The following MDGA2 variants were observed in gnomAD, a reference collection of about 807,000 sequenced individuals.
MDGA2 encodes the protein MAM domain-containing glycosylphosphatidylinositol anchor protein 2.
In MDGA2, 40 loss-of-function variants were observed where a neutral mutation model predicts 117.8. That is an observed-to-expected ratio of 0.34 (90% CI 0.26 to 0.44). The LOEUF (loss-of-function observed/expected upper bound fraction) is 0.44. Among genes scored for constraint, MDGA2 ranks in the 20% least tolerant of loss-of-function variants. MDGA2 has a pLI of 1.00. For synonymous variants in MDGA2, 452 were observed against 439.0 expected, an observed-to-expected ratio of 1.03 and a Z score of -0.37; for missense variants, 1,123 against 1,250.6, an observed-to-expected ratio of 0.90 and a Z score of 1.54.
At chr14:47,107,454 T>A (rs913968475) in intron 5 of MDGA2, among the ~76,000 whole-genome samples, 1 of 152,060 alleles carries the variant, frequency 6.6e-6, no homozygotes, top group East Asian at 1.9e-4. Context: ...TCTTTACTAT[T>A]CCTTTGCACC....
chr14:47,535,611 C>T (rs567574033), intron 1 of MDGA2, among the ~76,000 whole-genome samples: 13 of 152,110 alleles, frequency 8.5e-5, no homozygotes, highest in Non-Finnish European at 1.8e-4. Context: ...AATAAAGTGA[C>T]AGGCTAAAAA....
intron 1 of MDGA2, among the ~76,000 whole-genome samples, chr14:47,475,793 T>C (rs1566475771): frequency 1.3e-5 from 2 of 152,116 alleles, no homozygotes; most frequent in South Asian, 2.1e-4. Flanking sequence ...ATGAACACAG[T>C]AGTAGAGGGA....
intron 1 of MDGA2, among the ~76,000 whole-genome samples, chr14:47,404,713 C>A (rs1892226122): frequency 6.6e-6 from 1 of 152,104 alleles, no homozygotes; most frequent in Non-Finnish European, 1.5e-5. Context: ...AGGTTGGTCT[C>A]AAACTCCTGG....
Position 47,155,888 on chromosome 14 carries a change from C to CTTTTTTTTTTTTTTTTTTTT in MDGA2, c.596-11634_596-11615dup, listed in dbSNP as rs55827732. 4.7e-4 allele frequency among the ~76,000 whole-genome samples: 19 copies of CTTTTTTTTTTTTTTTTTTTT among 40,156 alleles called. 3 individuals carry two copies. Among genetic ancestry groups the CTTTTTTTTTTTTTTTTTTTT allele is most frequent in the Admixed American group, 8.6e-4 (2 of 2,322 alleles). 26.3% of individuals were successfully genotyped at this position (40,156 alleles called of 152,430 possible). On this transcript the variant is annotated intron_variant, in intron 3 of 16. Transcript: ENST00000399232. ...ATTCTTTTCTTTTCTTCTTCTTCTT[C>CTTTTTTTTTTTTTTTTTTTT]TTTTTTTTTTTTTTTTTTTTTTTTT...
At chr14:47,402,176 T>C (rs1892163331) in intron 1 of MDGA2, among the ~76,000 whole-genome samples, 1 of 152,150 alleles carries the variant, frequency 6.6e-6, no homozygotes. Flanking sequence ...TAAAAGGCAT[T>C]AAAAGTGGAA....
At chr14:47,540,799 A>G (rs375193539) in intron 1 of MDGA2, among the ~76,000 whole-genome samples, 6 of 151,844 alleles carry the variant, frequency 4.0e-5, no homozygotes, top group African/African-American at 1.2e-4. Flanking sequence ...TCCTGATCTC[A>G]AGTAATCCTC....
At chr14:47,015,615 C>T (rs926288778) in intron 8 of MDGA2, among the ~76,000 whole-genome samples, 6 of 151,842 alleles carry the variant, frequency 4.0e-5, no homozygotes, top group African/African-American at 9.7e-5. Context: ...GCCAATAATC[C>T]AAGGCTAAAG....
At chr14:47,036,141 G>A (rs1456217533) in intron 7 of MDGA2, among the ~76,000 whole-genome samples, 4 of 151,534 alleles carry the variant, frequency 2.6e-5, no homozygotes, top group Admixed American at 6.6e-5. Context: ...ATGGTGGAGG[G>A]CGCCTGTAGT....
chr14:46,938,540 C>CAAAAAAAAAAAAA lies in MDGA2; in HGVS notation c.2090-18393_2090-18381dup, dbSNP rs71112472. On this transcript the variant is annotated intron_variant, in intron 9 of 16. Coordinates refer to ENST00000399232, the MANE Select transcript of MDGA2 (RefSeq NM_001113498.3). ...GGGCAACAAGAACGAAAATCCATCT[C>CAAAAAAAAAAAAA]AAAAAAAAAAAAAAAAAAAAGAGAC... Among the ~76,000 whole-genome samples the CAAAAAAAAAAAAA allele has an allele frequency of 6.7e-4, 18 of 26,996 alleles. 1 individual carries two copies. The highest frequency in any genetic ancestry group is 1.1e-3 in the Non-Finnish European group (12 of 11,398). 17.7% of individuals were successfully genotyped at this position (26,996 alleles called of 152,430 possible).
At chr14:47,000,383 A>T (rs867037136) in intron 8 of MDGA2, among the ~76,000 whole-genome samples, 2 of 61,100 alleles carry the variant, frequency 3.3e-5, no homozygotes, top group Non-Finnish European at 6.5e-5. Context: ...ATATTTATAT[A>T]TATATATTTA....
intron 2 of MDGA2, among the ~76,000 whole-genome samples, chr14:47,294,992 G>A (rs939726810): frequency 1.3e-5 from 2 of 152,118 alleles, no homozygotes; most frequent in African/African-American, 2.4e-5. Context: ...ATTGAAAAAT[G>A]GCCTAGCCAA....
intron 1 of MDGA2, among the ~76,000 whole-genome samples, chr14:47,336,483 G>C (rs1169889170): frequency 6.6e-6 from 1 of 151,866 alleles, no homozygotes. Context: ...TTTGAAGTTG[G>C]CATTATTTTT....
intron 1 of MDGA2, among the ~76,000 whole-genome samples, chr14:47,571,017 G>A (rs1005815555): frequency 6.6e-6 from 1 of 152,042 alleles, no homozygotes; most frequent in Non-Finnish European, 1.5e-5. Flanking sequence ...CTGAAAAAGG[G>A]CTAGTATCCA....
intron 1 of MDGA2, among the ~76,000 whole-genome samples, chr14:47,438,368 C>A (rs1180682251): frequency 1.3e-5 from 2 of 152,142 alleles, no homozygotes; most frequent in Non-Finnish European, 2.9e-5. Context: ...ATCTAACCAT[C>A]CCACCACCTT....
chr14:47,166,095 G>C (rs1428307935), intron 3 of MDGA2, among the ~76,000 whole-genome samples: 1 of 150,200 alleles, frequency 6.7e-6, no homozygotes, highest in Non-Finnish European at 1.5e-5. Flanking sequence ...GACTGCAATA[G>C]GGTGATCCTG....
chr14:47,080,231 G>A (rs1038861366), intron 6 of MDGA2, among the ~76,000 whole-genome samples: 2 of 152,064 alleles, frequency 1.3e-5, no homozygotes, highest in Non-Finnish European at 2.9e-5. Flanking sequence ...ATTCAGACAT[G>A]CTAGAGACTA....
Position 46,845,768 on chromosome 14 carries a change from T to G in MDGA2, c.2987A>C (p.Lys996Thr), listed in dbSNP as rs376904648. ...GECAKQDLAT[K>T]NSVDGAVGIL... ...CAATCTCAAGCAAAGATACTTACTC[T>G]TAGTTGCTAGGTCTTGTTTTGCACA... The change falls in exon 16 of 17, where the codon AAG becomes ACG. Residue 996 changes from lysine to threonine, a missense_variant and splice_region_variant. Lys to Thr is a moderately conservative substitution (Grantham distance 78, BLOSUM62 -1). Around this residue, in one of 2 missense-constraint regions of MDGA2, gnomAD observed 890 missense variants for 1,050.3 expected, o/e 0.85. Transcript: ENST00000399232. The G allele has an allele frequency of 4.8e-5, 77 of 1,599,148 alleles. No homozygotes were observed. Among genetic ancestry groups the G allele is most frequent in the Non-Finnish European group, 6.3e-5 (74 of 1,167,370 alleles).
chr14:47,381,603 C>T (rs147613883), intron 1 of MDGA2, among the ~76,000 whole-genome samples: 16,543 of 152,146 alleles, frequency 0.11, 1,147 homozygotes, highest in Non-Finnish European at 0.17. Context: ...AGTGAACTCC[C>T]ATTCACAATT....
At chr14:46,941,547 A>G (rs377366905) in intron 9 of MDGA2, among the ~76,000 whole-genome samples, 21 of 152,274 alleles carry the variant, frequency 1.4e-4, no homozygotes, top group African/African-American at 5.1e-4. Flanking sequence ...CCAGGTGCTT[A>G]AACAGACACC....
Sources: gnomAD v4.1 joint callset for allele counts (sites outside exome capture counted in the v4.1 genomes callset) on GRCh38, gnomAD v4.1.1 for gene constraint, gnomAD v4.1.1 regional missense constraint, MANE v1.5 for transcripts, NCBI Gene and HGNC (gene_info 2026-07-23, HGNC 2026-07-21) for gene names.